Variants in EVA1C observed in about 807,000 individuals in gnomAD.
The protein encoded by EVA1C is protein eva-1 homolog C.
EVA1C carries 25 observed loss-of-function variants against 45.4 expected under a neutral mutation model. That is an observed-to-expected ratio of 0.55 (90% CI 0.40 to 0.77). The LOEUF is 0.77. Among genes scored for constraint, EVA1C ranks in the 30% least tolerant of loss-of-function variants. EVA1C has a pLI of 0.00. For synonymous variants in EVA1C, 190 were observed against 221.2 expected, an observed-to-expected ratio of 0.86 and a Z score of 1.25; for missense variants, 479 against 554.8, an observed-to-expected ratio of 0.86 and a Z score of 1.37.
At position 32,452,903 on chromosome 21, in the gene EVA1C, G is replaced by A. The variant is rs1437505205; in HGVS notation, c.161-409G>A. The A allele has an allele frequency of 6.2e-6, 1 of 160,076 alleles. No individual in the cohort carries two copies. The highest frequency in any genetic ancestry group is 2.4e-5 in the African/African-American group (1 of 41,792). The allele number at this position is 160,076 out of a possible 1,614,324, so 9.9% of individuals were successfully genotyped here. ...CCTCTCGACGTCCAGCCACTTGTGT[G>A]TGTGCCCACTAGGGTCTTGGGTTTT... is the stretch of plus-strand genomic sequence containing the variant. On this transcript the variant is annotated intron_variant, in intron 1 of 7. Transcript: ENST00000300255. The surrounding 1 kb of genome is among the most constrained non-coding windows in gnomAD (Gnocchi z 4.0).
chr21:32,421,309 G>A (rs1387688768), intron 1 of EVA1C, among the ~76,000 whole-genome samples: 1 of 151,758 alleles, frequency 6.6e-6, no homozygotes, highest in Non-Finnish European at 1.5e-5. Context: ...TGAGACCACT[G>A]TATAGTGAGG....
intron 3 of EVA1C, among the ~76,000 whole-genome samples, chr21:32,458,913 G>C (rs1352723237): frequency 6.6e-6 from 1 of 152,042 alleles, no homozygotes; most frequent in Non-Finnish European, 1.5e-5. Context: ...TATGTGGGGA[G>C]AGGTCAGGCC....
At chr21:32,512,474 G>A (rs1601084462) in intron 7 of EVA1C, among the ~76,000 whole-genome samples, 1 of 152,066 alleles carries the variant, frequency 6.6e-6, no homozygotes, top group African/African-American at 2.4e-5. Context: ...AGCTCAAGTC[G>A]CTGCTGGAAT....
chr21:32,492,085 G>T (rs1328987125), intron 4 of EVA1C, among the ~76,000 whole-genome samples: 1 of 152,110 alleles, frequency 6.6e-6, no homozygotes, highest in Non-Finnish European at 1.5e-5. Flanking sequence ...AAATATATCA[G>T]AATTTCCACC....
At chr21:32,476,874 T>C (rs560336127) in intron 4 of EVA1C, among the ~76,000 whole-genome samples, 1 of 152,016 alleles carries the variant, frequency 6.6e-6, no homozygotes, top group Non-Finnish European at 1.5e-5. Flanking sequence ...GCCTCCGAGC[T>C]CTGGGTGCAG....
intron 1 of EVA1C, among the ~76,000 whole-genome samples, chr21:32,436,195 C>G (rs2034944307): frequency 6.6e-6 from 1 of 152,144 alleles, no homozygotes; most frequent in Non-Finnish European, 1.5e-5. Context: ...TCCTGAGTAG[C>G]TGGGATTACA....
At chr21:32,431,890 C>T (rs1387554740) in intron 1 of EVA1C, among the ~76,000 whole-genome samples, 1 of 152,158 alleles carries the variant, frequency 6.6e-6, no homozygotes, top group African/African-American at 2.4e-5. Context: ...TGCTACAATA[C>T]GGTTTTCTAA....
chr21:32,499,659 T>C (rs138751795), intron 5 of EVA1C, among the ~76,000 whole-genome samples: 2,050 of 152,338 alleles, frequency 0.013, 27 homozygotes, highest in South Asian at 0.04. Flanking sequence ...AGCAGTGCAA[T>C]TGAATTTGCA....
intron 4 of EVA1C, among the ~76,000 whole-genome samples, chr21:32,479,656 A>G (rs1429187851): frequency 6.6e-6 from 1 of 152,088 alleles, no homozygotes; most frequent in Non-Finnish European, 1.5e-5. Context: ...GAGTAACTGA[A>G]AAGTGCAAAA....
intron 4 of EVA1C, among the ~76,000 whole-genome samples, chr21:32,471,741 G>A (rs777163902): frequency 1.3e-5 from 2 of 151,552 alleles, no homozygotes; most frequent in Non-Finnish European, 2.9e-5. Flanking sequence ...CCATTCTCCT[G>A]CCTCAGCCTC....
chr21:32,442,899 G>A (rs1415423286), intron 1 of EVA1C, among the ~76,000 whole-genome samples: 2 of 151,428 alleles, frequency 1.3e-5, no homozygotes, highest in African/African-American at 4.9e-5. Flanking sequence ...AAAAGAAAGA[G>A]AGGAAAATGT....
chr21:32,479,739 C>T (rs955633638), intron 4 of EVA1C, among the ~76,000 whole-genome samples: 15 of 152,030 alleles, frequency 9.9e-5, no homozygotes, highest in Admixed American at 2.6e-4. Context: ...TCACTTGAGG[C>T]CAGGAGTTCA....
intron 1 of EVA1C, among the ~76,000 whole-genome samples, chr21:32,429,016 A>T (rs2034593656): frequency 6.8e-6 from 1 of 146,182 alleles, no homozygotes; most frequent in South Asian, 2.1e-4. Flanking sequence ...ATTTATTTTT[A>T]TTTATTTATT....
chr21:32,502,846 T>C (rs1263231382), intron 6 of EVA1C, among the ~76,000 whole-genome samples: 2 of 152,086 alleles, frequency 1.3e-5, no homozygotes, highest in African/African-American at 4.8e-5. Context: ...CCCTGGCTGG[T>C]CTCAAACTCC....
chr21:32,441,445 G>A (rs1205017056), intron 1 of EVA1C, among the ~76,000 whole-genome samples: 5 of 152,012 alleles, frequency 3.3e-5, no homozygotes. Flanking sequence ...AGTATGCTTA[G>A]CATTTTCAAG....
In EVA1C at chr21:32,472,887, C is replaced by T. The variant is rs543000707; in HGVS notation, c.634+5039C>T. On this transcript the variant is annotated intron_variant, in intron 4 of 7. Coordinates refer to ENST00000300255, the MANE Select transcript of EVA1C (RefSeq NM_058187.5). ...CCTGCTCGCCCTTCTCCCTCACAAT[C>T]AAGCACTTGCGTCCATTGCCCTTGG... is the stretch of plus-strand genomic sequence containing the variant. Among the ~76,000 whole-genome samples, 4 of 152,350 alleles carry T rather than the reference C, an allele frequency of 2.6e-5. No individual in the cohort carries two copies. The South Asian group carries it at 8.3e-4, about 32-fold the overall frequency.
chr21:32,500,104 G>A (rs2037478243), intron 5 of EVA1C, among the ~76,000 whole-genome samples: 1 of 151,994 alleles, frequency 6.6e-6, no homozygotes, highest in Non-Finnish European at 1.5e-5. Flanking sequence ...TAGGTGCTGG[G>A]AGAGTTTGAT....
chr21:32,496,793 C>T (rs1321198849), intron 5 of EVA1C: 3 of 752,810 alleles, frequency 4.0e-6, no homozygotes, highest in Non-Finnish European at 7.2e-6. Context: ...GCTGGGGCCG[C>T]CATAGCCCTG....
At chr21:32,509,003 C>T (rs1385724176) in intron 7 of EVA1C, among the ~76,000 whole-genome samples, 1 of 152,112 alleles carries the variant, frequency 6.6e-6, no homozygotes, top group African/African-American at 2.4e-5. Context: ...TTTGTTTTTC[C>T]AGAATACGGA....
Sources: allele counts gnomAD v4.1 joint callset (sites outside exome capture counted in the v4.1 genomes callset), GRCh38; gene constraint gnomAD v4.1.1; non-coding constraint Gnocchi (gnomAD v3.1); transcripts MANE v1.5; gene names NCBI Gene and HGNC (gene_info 2026-07-23, HGNC 2026-07-21).